Variants in TEK observed in about 807,000 individuals in gnomAD.
TEK encodes the protein angiopoietin-1 receptor.
A neutral mutation model predicts 131.8 loss-of-function variants in TEK; 43 were observed. That is an observed-to-expected ratio of 0.33 (90% CI 0.26 to 0.42). The LOEUF is 0.42. Ranked by LOEUF, TEK falls within the 10% of genes least tolerant of loss-of-function variation. The probability of loss-of-function intolerance (pLI) is 1.00; values close to 1 mark genes in which losing one functional copy is unlikely to be tolerated. For synonymous variants in TEK, 580 were observed against 491.6 expected (o/e 1.18, Z -2.38); for missense variants, 1,162 against 1,384.4 (o/e 0.84, Z 2.55).
At chr9:27,137,830 T>G (rs1405451726) in intron 1 of TEK, among the ~76,000 whole-genome samples, 1 of 151,684 alleles carries the variant, frequency 6.6e-6, no homozygotes, top group African/African-American at 2.4e-5. Context: ...TTCCTGGTTG[T>G]ATTAGTTCTT....
chr9:27,143,699 T>C (rs1244656214), intron 1 of TEK, among the ~76,000 whole-genome samples: 1 of 152,214 alleles, frequency 6.6e-6, no homozygotes, highest in Non-Finnish European at 1.5e-5. Context: ...ACGCACATTG[T>C]CTACATAGGA....
chr9:27,135,582 T>C (rs566317962), intron 1 of TEK, among the ~76,000 whole-genome samples: 9 of 152,368 alleles, frequency 5.9e-5, no homozygotes, highest in African/African-American at 2.2e-4. Context: ...TTTTTTCGTA[T>C]GTATGTATAC....
intron 21 of TEK, among the ~76,000 whole-genome samples, chr9:27,223,381 C>T (rs1442894377): frequency 6.6e-6 from 1 of 152,186 alleles, no homozygotes; most frequent in East Asian, 1.9e-4. Context: ...GTAAAACATT[C>T]CTAAGCAAAT....
intron 19 of TEK, among the ~76,000 whole-genome samples, chr9:27,218,567 T>C (rs1825918715): frequency 6.6e-6 from 1 of 152,146 alleles, no homozygotes; most frequent in Non-Finnish European, 1.5e-5. Flanking sequence ...ATTTGGGGGC[T>C]CTGGCAAAGT....
At chr9:27,184,771 C>T (rs183071724) in intron 8 of TEK, among the ~76,000 whole-genome samples, 11 of 152,190 alleles carry the variant, frequency 7.2e-5, no homozygotes, top group African/African-American at 2.6e-4. Flanking sequence ...GATACGGTGA[C>T]TCATGCCTGC....
intron 1 of TEK, among the ~76,000 whole-genome samples, chr9:27,132,990 G>A (rs1305866983): frequency 6.6e-6 from 1 of 152,158 alleles, no homozygotes; most frequent in African/African-American, 2.4e-5. Flanking sequence ...GATGGTAGGG[G>A]TAGCTAAAAA....
At chr9:27,147,376 A>C (rs62544602) in intron 1 of TEK, among the ~76,000 whole-genome samples, 18,947 of 152,028 alleles carry the variant, frequency 0.12, 1,505 homozygotes, top group Middle Eastern at 0.27. Context: ...TGCCATCTAT[A>C]CATTTTCTCT....
chr9:27,229,071 TA>T, intron 22 of TEK, 86 bp from the exon 23 acceptor site: 1 of 1,227,712 alleles, frequency 8.1e-7, no homozygotes, highest in Non-Finnish European at 1.2e-6. Flanking sequence ...TGCAACAAAC[TA>T]AGAAAACCAA....
rs1030030598 is a variant in TEK, at chr9:27,206,675, G to C, written c.2458G>C (p.Asp820His). ...NPDPTIYPVL[D>H]WNDIKFQDVI... ...AGATCCTACAATTTATCCAGTGCTT[G>C]ACTGGAATGACATCAAATTTCAAGA... Residue 820 changes from aspartate to histidine, a missense_variant, in exon 15 of 23, where the codon GAC becomes CAC. Asp to His is a moderately conservative substitution (Grantham distance 81). Coordinates refer to ENST00000380036, the MANE Select transcript of TEK (RefSeq NM_000459.5). 2.5e-6 allele frequency: 4 copies of C among 1,613,910 alleles called. No individual in the cohort carries two copies. Among genetic ancestry groups the C allele is most frequent in the Non-Finnish European group, 3.4e-6 (4 of 1,179,974 alleles).
intron 6 of TEK, 144 bp downstream of exon 6, chr9:27,173,506 T>A: frequency 5.9e-5 from 57 of 971,158 alleles, no homozygotes; most frequent in Non-Finnish European, 9.1e-5. Flanking sequence ...TCATGGATGT[T>A]TACATCCAAT....
chr9:27,206,607 A>C lies in TEK; in HGVS notation c.2390A>C (p.Asn797Thr). The change falls in exon 15 of 23, where the codon AAC (asparagine) becomes ACC (threonine). Residue 797 changes from asparagine (N) to threonine (T), a missense_variant. Coordinates refer to ENST00000380036, the MANE Select transcript of TEK (RefSeq NM_000459.5). The stretch of plus-strand genomic sequence containing the variant: ...AGGGAAGAACCAGCTGTGCAGTTCA[A>C]CTCAGGGACTCTGGCCCTAAACAGG... ...NVREEPAVQF[N>T]SGTLALNRKV... 1.2e-6 allele frequency: 2 copies of C among 1,614,022 alleles called. No homozygotes were observed. Among genetic ancestry groups the C allele is most frequent in the Non-Finnish European group, 1.7e-6 (2 of 1,179,980 alleles).
chr9:27,176,157 C>T (rs1196565858), intron 6 of TEK, among the ~76,000 whole-genome samples: 1 of 152,166 alleles, frequency 6.6e-6, no homozygotes, highest in Non-Finnish European at 1.5e-5. Context: ...TACTTAAGGA[C>T]ATGGTCTCCT....
At chr9:27,219,988 G>A (rs1825997121) in intron 20 of TEK, 61 bp from the exon 21 acceptor site, 6 of 1,554,954 alleles carry the variant, frequency 3.9e-6, no homozygotes, top group Non-Finnish European at 5.3e-6. Flanking sequence ...TAGAAACCCT[G>A]GACAGGAAGC....
intron 6 of TEK, among the ~76,000 whole-genome samples, chr9:27,174,785 G>A (rs1824100849): frequency 6.6e-6 from 1 of 152,070 alleles, no homozygotes; most frequent in Admixed American, 6.6e-5. Context: ...AAGTGTGTAT[G>A]TTAAGGTAAA....
intron 2 of TEK, among the ~76,000 whole-genome samples, chr9:27,163,317 C>G (rs544914621): frequency 6.6e-6 from 1 of 152,164 alleles, no homozygotes; most frequent in East Asian, 1.9e-4. Flanking sequence ...TCCTGGAACA[C>G]CCAATCTAGT....
intron 15 of TEK, among the ~76,000 whole-genome samples, chr9:27,208,703 G>T (rs527817199): frequency 5.9e-5 from 9 of 152,184 alleles, no homozygotes; most frequent in Admixed American, 1.3e-4. Flanking sequence ...AGATTTAGCT[G>T]GAAGAGCTAA....
rs565212845 is a variant in TEK at position 27,220,167 on chromosome 9, G to A, written c.3200+22G>A. 2.6e-5 allele frequency: 42 copies of A among 1,611,942 alleles called. 1 individual carries two copies. Among genetic ancestry groups the A allele is most frequent in the Middle Eastern group, 3.7e-4 (2 of 5,336 alleles). Reference sequence around the variant, plus strand: ...AGGTGTAAGTCAGGCCTCATCCTGGGGCTATTTTGTCTTACCTTCCCCCTG... The same window carrying A: ...AGGTGTAAGTCAGGCCTCATCCTGGAGCTATTTTGTCTTACCTTCCCCCTG... On this transcript the variant is annotated intron_variant, in intron 21 of 22. Coordinates refer to ENST00000380036, the MANE Select transcript of TEK (RefSeq NM_000459.5).
chr9:27,158,452 C>T (rs1823422632), intron 2 of TEK, among the ~76,000 whole-genome samples: 1 of 152,084 alleles, frequency 6.6e-6, no homozygotes, highest in South Asian at 2.1e-4. Flanking sequence ...AAAATCATAG[C>T]AATGAAAACA....
In TEK at chr9:27,212,837, G is replaced by C. The variant is rs774050237; in HGVS notation, c.2817G>C (p.Gln939His). 6.2e-7 allele frequency: 1 copy of C among 1,614,132 alleles called. No homozygotes were observed. Among genetic ancestry groups the C allele is most frequent in the Non-Finnish European group, 8.5e-7 (1 of 1,180,002 alleles). ...GCACCGCGTCCACACTGTCCTCCCA[G>C]CAGCTCCTTCACTTCGCTGCCGACG... ...ANSTASTLSS[Q>H]QLLHFAADVA... Residue 939 changes from glutamine (Q) to histidine (H), a missense_variant, in exon 17 of 23, where the codon CAG becomes CAC. Physicochemically the swap from Gln to His is conservative, Grantham distance 24 (BLOSUM62 0). Around this residue, in one of 6 missense-constraint regions of TEK, gnomAD observed 107 missense variants for 173.9 expected, o/e 0.62. Transcript: ENST00000380036.
Sources: allele counts gnomAD v4.1 joint callset (sites outside exome capture counted in the v4.1 genomes callset), GRCh38; gene constraint gnomAD v4.1.1; regional missense constraint gnomAD v4.1.1; transcripts MANE v1.5; gene names NCBI Gene and HGNC (gene_info 2026-07-23, HGNC 2026-07-21).